Variants in ST8SIA6 observed in about 807,000 individuals in gnomAD.
ST8SIA6 encodes the protein alpha-2,8-sialyltransferase 8F.
A neutral mutation model predicts 33.6 loss-of-function variants in ST8SIA6; 39 were observed. That is an observed-to-expected ratio of 1.16 (90% CI 0.90 to 1.52). The LOEUF (loss-of-function observed/expected upper bound fraction) is 1.52. Among genes scored for constraint, ST8SIA6 ranks in the 40% most tolerant of loss-of-function variants. The pLI is 0.00. For synonymous variants in ST8SIA6, 172 were observed against 167.2 expected (o/e 1.03, Z -0.22); for missense variants, 441 against 443.8 (o/e 0.99, Z 0.06).
At chr10:17,444,390 G>A (rs1212238604) in intron 2 of ST8SIA6, among the ~76,000 whole-genome samples, 2 of 152,184 alleles carry the variant, frequency 1.3e-5, no homozygotes, top group South Asian at 4.1e-4. Flanking sequence ...GTAAGTAGTA[G>A]AGTTATATGA....
intron 2 of ST8SIA6, among the ~76,000 whole-genome samples, chr10:17,404,447 C>T (rs1851173736): frequency 1.3e-5 from 2 of 152,160 alleles, no homozygotes; most frequent in African/African-American, 4.8e-5. Context: ...AAGATGTTCT[C>T]CTTAACCAAG....
intron 4 of ST8SIA6, among the ~76,000 whole-genome samples, chr10:17,346,873 G>GTATCTATC (rs1006630480): frequency 6.6e-6 from 1 of 152,040 alleles, no homozygotes; most frequent in Non-Finnish European, 1.5e-5. Context: ...ATGTATTTAT[G>GTATCTATC]TATCTATCTA....
intron 2 of ST8SIA6, among the ~76,000 whole-genome samples, chr10:17,419,606 G>A (rs1543619): frequency 0.022 from 3,425 of 152,240 alleles, 67 homozygotes; most frequent in Non-Finnish European, 0.035. Context: ...CTCCTTTATG[G>A]CTAGATGTTT....
intron 2 of ST8SIA6, among the ~76,000 whole-genome samples, chr10:17,390,935 T>A (rs1850579342): frequency 2.0e-5 from 3 of 151,764 alleles, no homozygotes; most frequent in Admixed American, 2.0e-4. Context: ...CTCAGCTCAC[T>A]GCAACCTCCA....
chr10:17,437,886 A>G (rs940530751), intron 2 of ST8SIA6, among the ~76,000 whole-genome samples: 1 of 152,074 alleles, frequency 6.6e-6, no homozygotes, highest in Non-Finnish European at 1.5e-5. Context: ...GGGCACCACC[A>G]TGCCCAGCTA....
At chr10:17,382,229 T>C (rs1387676689) in intron 3 of ST8SIA6, among the ~76,000 whole-genome samples, 1 of 151,418 alleles carries the variant, frequency 6.6e-6, no homozygotes, top group East Asian at 2.0e-4. Flanking sequence ...TTGGGAATTT[T>C]CCAATAAAAG....
At chr10:17,387,544 GGT>G (rs1369987890) in intron 3 of ST8SIA6, among the ~76,000 whole-genome samples, 7 of 151,954 alleles carry the variant, frequency 4.6e-5, no homozygotes, top group Admixed American at 4.6e-4. Context: ...TAGGATTACA[GGT>G]GTGAGCCACC....
chr10:17,395,621 G>T (rs770948718), intron 2 of ST8SIA6, among the ~76,000 whole-genome samples: 56 of 152,282 alleles, frequency 3.7e-4, no homozygotes, highest in Non-Finnish European at 5.1e-4. Context: ...GGTGGCTAAT[G>T]CCTGTAATCT....
At position 17,336,509 on chromosome 10, in the gene ST8SIA6, C is replaced by A. The variant is rs185100763; in HGVS notation, c.378-4957G>T. Among the ~76,000 whole-genome samples, 101 of 152,060 alleles carry A rather than the reference C, an allele frequency of 6.6e-4. 1 individual carries two copies. The highest frequency in any genetic ancestry group is 2.3e-3 in the African/African-American group (97 of 41,462). ...CCTATCTCCCGACCCTCCGCCAAGCCCCAGAGGACACTTTTGTGATGATTT... is the reference window on the plus strand; with the variant it reads ...CCTATCTCCCGACCCTCCGCCAAGCACCAGAGGACACTTTTGTGATGATTT... On this transcript the variant is annotated intron_variant, in intron 4 of 7. Transcript: ENST00000377602.
At chr10:17,363,822 G>C (rs535296031) in intron 3 of ST8SIA6, among the ~76,000 whole-genome samples, 14 of 152,218 alleles carry the variant, frequency 9.2e-5, no homozygotes, top group African/African-American at 3.4e-4. Flanking sequence ...GCTCACCATA[G>C]CTCCTATACT....
intron 4 of ST8SIA6, among the ~76,000 whole-genome samples, chr10:17,347,289 G>A (rs1282807834): frequency 6.6e-6 from 1 of 152,104 alleles, no homozygotes; most frequent in African/African-American, 2.4e-5. Context: ...AAAACATTAG[G>A]GTGTGAGACT....
At chr10:17,419,168 A>G (rs965113092) in intron 2 of ST8SIA6, among the ~76,000 whole-genome samples, 6 of 152,104 alleles carry the variant, frequency 3.9e-5, no homozygotes, top group African/African-American at 1.4e-4. Flanking sequence ...TAAGTATCGA[A>G]TTACACATAT....
At chr10:17,348,255 T>C (rs998940291) in intron 4 of ST8SIA6, among the ~76,000 whole-genome samples, 1 of 144,234 alleles carries the variant, frequency 6.9e-6, no homozygotes, top group Non-Finnish European at 1.5e-5. Flanking sequence ...TTTGGCAACA[T>C]ATTGAGAGCC....
At chr10:17,426,558 C>T (rs1196784049) in intron 2 of ST8SIA6, among the ~76,000 whole-genome samples, 1 of 152,164 alleles carries the variant, frequency 6.6e-6, no homozygotes. Flanking sequence ...CATTAATTCT[C>T]CCACATCTCA....
rs1848381201 is a variant in ST8SIA6, at chr10:17,333,690, TATATA to T, written c.378-2143_378-2139del. 2.3e-4 allele frequency among the ~76,000 whole-genome samples: 9 copies of T among 39,168 alleles called. 3 individuals carry two copies. Among genetic ancestry groups the T allele is most frequent in the Non-Finnish European group, 1.2e-4 (3 of 24,642 alleles). 25.7% of individuals were successfully genotyped at this position (39,168 alleles called of 152,430 possible). A position where few individuals can be genotyped will look rare whatever the true frequency, so the allele number is the denominator to read the frequency against. ...GTGCTGGGATATATATATATATATATATATATATATATATATATATATATATATTT... is the reference window on the plus strand; with the variant it reads ...GTGCTGGGATATATATATATATATATTATATATATATATATATATATATTT... On this transcript the variant is annotated intron_variant, in intron 4 of 7. Coordinates refer to ENST00000377602, the MANE Select transcript of ST8SIA6 (RefSeq NM_001004470.3).
Position 17,323,134 on chromosome 10 carries a change from C to T in ST8SIA6, c.659G>A (p.Gly220Glu), listed in dbSNP as rs1848010510. ...VFRCNLPPTT[G>E]DVSKDVGSKT... is the part of the protein sequence containing the mutation. ...ACTGCCAACATCTTTACTAACATCT[C>T]CTGTGGTTGGGGGTAGGTTACACCT... The change falls in exon 7 of 8, where the codon GGA becomes GAA. Residue 220 changes from glycine to glutamate, a missense_variant. Gly to Glu is a moderately conservative substitution (Grantham distance 98). Transcript: ENST00000377602. The T allele has an allele frequency of 6.2e-7, 1 of 1,613,378 alleles. No homozygotes were observed. The highest frequency in any genetic ancestry group is 1.3e-5 in the African/African-American group (1 of 74,826).
At chr10:17,443,739 A>G (rs539938749) in intron 2 of ST8SIA6, among the ~76,000 whole-genome samples, 2 of 152,336 alleles carry the variant, frequency 1.3e-5, no homozygotes, top group South Asian at 2.1e-4. Context: ...TCCTAAGTGT[A>G]TGTAGATAAA....
intron 2 of ST8SIA6, among the ~76,000 whole-genome samples, chr10:17,434,095 C>A (rs55990877): frequency 0.18 from 27,273 of 152,024 alleles, 3,801 homozygotes; most frequent in African/African-American, 0.39. Context: ...CCTCTTCATG[C>A]CTAGACATAT....
At chr10:17,340,417 C>T (rs985150629) in intron 4 of ST8SIA6, among the ~76,000 whole-genome samples, 1 of 152,130 alleles carries the variant, frequency 6.6e-6, no homozygotes, top group Non-Finnish European at 1.5e-5. Flanking sequence ...CAAAACTGCT[C>T]ACCCCGCCAC....
Sources: allele counts gnomAD v4.1 joint callset (sites outside exome capture counted in the v4.1 genomes callset), GRCh38; gene constraint gnomAD v4.1.1; transcripts MANE v1.5; gene names NCBI Gene and HGNC (gene_info 2026-07-23, HGNC 2026-07-21).